Variants in PLEKHG3 observed in about 807,000 individuals in gnomAD.
The protein encoded by PLEKHG3 is pleckstrin homology and RhoGEF domain containing G3, also known as pleckstrin homology domain-containing family G member 3.
In PLEKHG3, 62 loss-of-function variants were observed where a neutral mutation model predicts 94.9. That is an observed-to-expected ratio of 0.65 (90% confidence interval 0.53 to 0.81). The LOEUF is 0.81. Ranked by LOEUF, PLEKHG3 falls within the 30% of genes least tolerant of loss-of-function variation. The pLI, the probability that PLEKHG3 is intolerant of heterozygous loss-of-function variation, is 0.00. For missense variants in PLEKHG3, 1,461 were observed against 1,619.3 expected (o/e 0.90, Z 1.68); for synonymous variants, 614 against 654.0 (o/e 0.94, Z 0.93).
Position 64,739,974 on chromosome 14 carries a change from AAAG to A in PLEKHG3, c.1519-1058_1519-1056del, listed in dbSNP as rs2081654193. ...TGAGAACCACCCATTACAAAGTTTA[AAAG>A]AAGCAGATGAAATTAATTTTAGTAG... On this transcript the variant is annotated intron_variant, in intron 15 of 16. Transcript: ENST00000247226. The surrounding 1 kb of genome is among the most constrained non-coding windows in gnomAD (Gnocchi z 4.1). Among the ~76,000 whole-genome samples, 1 of 152,242 alleles carries A rather than the reference AAAG, an allele frequency of 6.6e-6. No homozygotes were observed. Among genetic ancestry groups the A allele is most frequent in the Non-Finnish European group, 1.5e-5 (1 of 68,038 alleles).
In PLEKHG3 at chr14:64,749,916, C is replaced by G. The variant is rs2081917978; in HGVS notation, c.*6213C>G. The G allele has an allele frequency of 6.2e-7, 1 of 1,606,008 alleles. No individual in the cohort carries two copies. The highest frequency in any genetic ancestry group is 8.5e-7 in the Non-Finnish European group (1 of 1,172,992). ...GGCACTGGTCCCCTACAGAGGGCCT[C>G]TGCCCTGCCACTAATGCCAAATCAA... On this transcript the variant is annotated 3_prime_UTR_variant, in exon 17 of 17. Transcript: ENST00000247226. This position sits in a 1 kb window ranked among gnomAD's most constrained non-coding sequence, Gnocchi z 4.7.
Position 64,742,041 on chromosome 14 carries a change from C to G in PLEKHG3, c.2524C>G (p.Leu842Val), listed in dbSNP as rs146153489. 1,559 of 1,597,406 alleles carry G rather than the reference C, an allele frequency of 9.8e-4. 15 individuals carry two copies. The African/African-American group carries it at 0.019, about 19-fold the overall frequency. The change falls in exon 16 of 17, where the codon CTG (leucine) becomes GTG (valine). Residue 842 changes from leucine (L) to valine (V), a missense_variant. Transcript: ENST00000247226. ...CCAGGGCCAGGCCAATGGCTTTGAC[C>G]TGCATGAGCCACTCTTCATCCTGGA... ...PGQGQANGFD[L>V]HEPLFILEEH...
Position 64,742,023 on chromosome 14 carries a change from C to A in PLEKHG3, c.2506C>A (p.Gln836Lys). The A allele has an allele frequency of 1.9e-6, 3 of 1,587,364 alleles. No homozygotes were observed. Among genetic ancestry groups the A allele is most frequent in the Non-Finnish European group, 2.6e-6 (3 of 1,165,890 alleles). ...CCCTGGGAAGGGGCCAGGCCAGGGC[C>A]AGGCCAATGGCTTTGACCTGCATGA... ...GSPGKGPGQG[Q>K]ANGFDLHEPL... The change falls in exon 16 of 17, where the codon CAG becomes AAG. Residue 836 changes from glutamine (Q) to lysine (K), a missense_variant. By Grantham distance (53) the Gln-to-Lys change is moderately conservative. Around this residue, in one of 3 missense-constraint regions of PLEKHG3, gnomAD observed 1,201 missense variants for 1,295.5 expected, o/e 0.93. Coordinates refer to ENST00000247226, the MANE Select transcript of PLEKHG3 (RefSeq NM_001308147.2).
chr14:64,738,217 G>T lies in PLEKHG3; in HGVS notation c.1405-525G>T. On this transcript the variant is annotated intron_variant, in intron 14 of 16. Coordinates refer to ENST00000247226, the MANE Select transcript of PLEKHG3 (RefSeq NM_001308147.2). The surrounding 1 kb of genome is among the most constrained non-coding windows in gnomAD (Gnocchi z 4.8). ...GCCAACGCTTTACTTTTCTCCCGGGGCGCTATGGTGAGGTGTCTCTTCGAT... is the reference window on the plus strand; with the variant it reads ...GCCAACGCTTTACTTTTCTCCCGGGTCGCTATGGTGAGGTGTCTCTTCGAT... The T allele has an allele frequency of 7.8e-7, 1 of 1,288,278 alleles. No individual in the cohort carries two copies. The highest frequency in any genetic ancestry group is 1.0e-6 in the Non-Finnish European group (1 of 988,748). The allele number at this position is 1,288,278 out of a possible 1,614,324, so 79.8% of individuals were successfully genotyped here. A position where few individuals can be genotyped will look rare whatever the true frequency, so the allele number is the denominator to read the frequency against.
chr14:64,734,288 C>T (rs373083192), intron 12 of PLEKHG3, among the ~76,000 whole-genome samples: 2 of 152,086 alleles, frequency 1.3e-5, no homozygotes, highest in Non-Finnish European at 2.9e-5. Context: ...CTCTTCTCTT[C>T]TCTTTTCTTT....
rs73273538 is a variant in PLEKHG3 at position 64,733,645 on chromosome 14, G to A, written c.1345+744G>A. ...GAACAACCGAGCAGAAGCAGGACCCGGGGAAAACGAGTTCAGTGGCACCAA... is the reference window on the plus strand; with the variant it reads ...GAACAACCGAGCAGAAGCAGGACCCAGGGAAAACGAGTTCAGTGGCACCAA... On this transcript the variant is annotated intron_variant, in intron 12 of 16. Transcript: ENST00000247226. Among the ~76,000 whole-genome samples the A allele has an allele frequency of 3.4e-3, 518 of 152,238 alleles. 2 individuals are homozygous for A. Among genetic ancestry groups the A allele is most frequent in the Middle Eastern group, 0.01 (3 of 292 alleles).
chr14:64,730,882 C>T lies in PLEKHG3; in HGVS notation c.650C>T (p.Ser217Leu), dbSNP rs575204431. Reference sequence around the variant, plus strand: ...GACCGGCAGGAGCTGCTACAGCACTCGCTGCCCTTGGGCTCCTACCTGCTG... The same window carrying T: ...GACCGGCAGGAGCTGCTACAGCACTTGCTGCCCTTGGGCTCCTACCTGCTG... ...FRDRQELLQH[S>L]LPLGSYLLKP... The change falls in exon 6 of 17, where the codon TCG (serine) becomes TTG (leucine). Residue 217 changes from serine to leucine, a missense_variant. Physicochemically the swap from Ser to Leu is moderately radical, Grantham distance 145. Coordinates refer to ENST00000247226, the MANE Select transcript of PLEKHG3 (RefSeq NM_001308147.2). This position sits in a 1 kb window ranked among gnomAD's most constrained non-coding sequence, Gnocchi z 5.4. 7 of 1,613,126 alleles carry T rather than the reference C, an allele frequency of 4.3e-6. No individual in the cohort carries two copies. In the African/African-American group the frequency reaches 5.3e-5, roughly 12 times the overall value.
rs2081465234 is a variant in PLEKHG3, at chr14:64,731,555, C to T, written c.1032+12C>T. ...AGGGCAACATCCCGGTAACCAGGCC[C>T]TGCCCCATCTCCTCTGCCATCTTCT... On this transcript the variant is annotated intron_variant, in intron 8 of 16. Transcript: ENST00000247226. This position sits in a 1 kb window ranked among gnomAD's most constrained non-coding sequence, Gnocchi z 6.1. 6.2e-7 allele frequency: 1 copy of T among 1,612,310 alleles called. No homozygotes were observed. Among genetic ancestry groups the T allele is most frequent in the African/African-American group, 1.3e-5 (1 of 74,862 alleles).
Position 64,732,856 on chromosome 14 carries a change from C to A in PLEKHG3, c.1300C>A (p.Gln434Lys). ...GCGGCTGAAGAAGGCTTGGTCCTCCCAGGATGAGGTGTCCACCAATGTGCG... is the reference window on the plus strand; with the variant it reads ...GCGGCTGAAGAAGGCTTGGTCCTCCAAGGATGAGGTGTCCACCAATGTGCG... ...PERLKKAWSS[Q>K]DEVSTNVRQG... Residue 434 changes from glutamine to lysine, a missense_variant, in exon 12 of 17, where the codon CAG (glutamine) becomes AAG (lysine). Coordinates refer to ENST00000247226, the MANE Select transcript of PLEKHG3 (RefSeq NM_001308147.2). This position sits in a 1 kb window ranked among gnomAD's most constrained non-coding sequence, Gnocchi z 4.9. 6.2e-7 allele frequency: 1 copy of A among 1,611,190 alleles called. No homozygotes were observed.
At position 64,731,797 on chromosome 14, in the gene PLEKHG3, C is replaced by T. The variant is rs760834280; in HGVS notation, c.1116C>T (p.Tyr372=). ...ACTACAAGCACAGCAAGCAGCAGTA[C>T]AGCATCCAGGTGAGGGGAAGGTGGG... ...VTHYKHSKQQ[Y]SIQAKTVEEK... Residue 372 remains tyrosine, a synonymous_variant, in exon 9 of 17, where the codon TAC becomes TAT. Transcript: ENST00000247226. The surrounding 1 kb of genome is among the most constrained non-coding windows in gnomAD (Gnocchi z 6.1). 4 of 1,611,400 alleles carry T rather than the reference C, an allele frequency of 2.5e-6. No homozygotes were observed. The highest frequency in any genetic ancestry group is 3.4e-6 in the Non-Finnish European group (4 of 1,177,880).
At position 64,720,209 on chromosome 14, in the gene PLEKHG3, C is replaced by T. The variant is rs1300335189; in HGVS notation, c.-39-7384C>T. 2.6e-5 allele frequency among the ~76,000 whole-genome samples: 4 copies of T among 152,254 alleles called. No homozygotes were observed. Among genetic ancestry groups the T allele is most frequent in the Non-Finnish European group, 4.4e-5 (3 of 68,038 alleles). On this transcript the variant is annotated intron_variant, in intron 1 of 16. Coordinates refer to ENST00000247226, the MANE Select transcript of PLEKHG3 (RefSeq NM_001308147.2). This position sits in a 1 kb window ranked among gnomAD's most constrained non-coding sequence, Gnocchi z 4.1. The stretch of plus-strand genomic sequence containing the variant: ...TCTAAACTTGGCTACTTTCCCCTTC[C>T]TCCCAGTCTCTTGTGGCTGGTCACC...
chr14:64,716,495 CAACACA>C lies in PLEKHG3; in HGVS notation c.-39-11097_-39-11092del, dbSNP rs1566694145. Among the ~76,000 whole-genome samples the C allele has an allele frequency of 3.4e-5, 2 of 58,730 alleles. No homozygotes were observed. Among genetic ancestry groups the C allele is most frequent in the Non-Finnish European group, 3.5e-5 (1 of 28,600 alleles). The allele number at this position is 58,730 out of a possible 152,430, so 38.5% of individuals were successfully genotyped here. A position where few individuals can be genotyped will look rare whatever the true frequency, so the allele number is the denominator to read the frequency against. On this transcript the variant is annotated intron_variant, in intron 1 of 16. Transcript: ENST00000247226. This position sits in a 1 kb window ranked among gnomAD's most constrained non-coding sequence, Gnocchi z 5.0. Reference sequence around the variant, plus strand: ...CACACACACACAACACACACACACACAACACACACACACACACACACACACACACAC... The same window carrying C: ...CACACACACACAACACACACACACACCACACACACACACACACACACACAC...
At position 64,732,949 on chromosome 14, in the gene PLEKHG3, C is replaced by T; in HGVS notation, c.1345+48C>T. 1.6e-6 allele frequency: 2 copies of T among 1,212,784 alleles called. No individual in the cohort carries two copies. Among genetic ancestry groups the T allele is most frequent in the Non-Finnish European group, 2.4e-6 (2 of 834,130 alleles). 75.1% of individuals were successfully genotyped at this position (1,212,784 alleles called of 1,614,324 possible). ...AGGAGGCCTCTCCCTCACACCCTTG[C>T]CCAGACTGGGGACCGTCTGCGGCAG... On this transcript the variant is annotated intron_variant, in intron 12 of 16. Transcript: ENST00000247226. The surrounding 1 kb of genome is among the most constrained non-coding windows in gnomAD (Gnocchi z 4.9).
Position 64,748,161 on chromosome 14 carries a change from G to A in PLEKHG3, c.*4458G>A, listed in dbSNP as rs1452614973. ...GTGCAGGAGTAGCTGTCACATGGGT[G>A]GTGATACCAAGACATGGCTGCGTCT... is the stretch of plus-strand genomic sequence containing the variant. On this transcript the variant is annotated 3_prime_UTR_variant, in exon 17 of 17. Transcript: ENST00000247226. The A allele has an allele frequency of 6.6e-6, 1 of 152,058 alleles. No homozygotes were observed. The highest frequency in any genetic ancestry group is 1.5e-5 in the Non-Finnish European group (1 of 68,046). 9.4% of individuals were successfully genotyped at this position (152,058 alleles called of 1,614,324 possible).
intron 1 of PLEKHG3, among the ~76,000 whole-genome samples, chr14:64,706,842 G>A (rs1472495327): frequency 1.3e-5 from 2 of 152,250 alleles, no homozygotes; most frequent in Non-Finnish European, 1.5e-5. Flanking sequence ...TCTTCTCCCA[G>A]CTCCCAGAAC....
At position 64,738,293 on chromosome 14, in the gene PLEKHG3, C is replaced by A; in HGVS notation, c.1405-449C>A. On this transcript the variant is annotated intron_variant, in intron 14 of 16. Transcript: ENST00000247226. This position sits in a 1 kb window ranked among gnomAD's most constrained non-coding sequence, Gnocchi z 4.8. The stretch of plus-strand genomic sequence containing the variant: ...GGGATGTGCATGCCCACCCGAGGGC[C>A]CCCTCTGCTGCCCTCCTCACCCCAC... 1 of 1,014,084 alleles carries A rather than the reference C, an allele frequency of 9.9e-7. No homozygotes were observed. Among genetic ancestry groups the A allele is most frequent in the Non-Finnish European group, 1.3e-6 (1 of 747,968 alleles). 62.8% of individuals were successfully genotyped at this position (1,014,084 alleles called of 1,614,324 possible).
rs2081404157 is a variant in PLEKHG3 at position 64,728,921 on chromosome 14, A to G, written c.352-75A>G. ...TGAAGTGGTGTTACAGCAGGGCCGA[A>G]ACGAGGTGTGGCTAGGGAAGGTAGT... is the stretch of plus-strand genomic sequence containing the variant. On this transcript the variant is annotated intron_variant, in intron 2 of 16. Transcript: ENST00000247226. The surrounding 1 kb of genome is among the most constrained non-coding windows in gnomAD (Gnocchi z 5.9). The G allele has an allele frequency of 1.6e-6, 1 of 608,324 alleles. No individual in the cohort carries two copies. The highest frequency in any genetic ancestry group is 3.0e-6 in the Non-Finnish European group (1 of 336,268). The allele number at this position is 608,324 out of a possible 1,614,324, so 37.7% of individuals were successfully genotyped here.
At position 64,717,007 on chromosome 14, in the gene PLEKHG3, G is replaced by A. The variant is rs577599338; in HGVS notation, c.-39-10586G>A. 6.6e-6 allele frequency among the ~76,000 whole-genome samples: 1 copy of A among 152,334 alleles called. No individual in the cohort carries two copies. The highest frequency in any genetic ancestry group is 1.9e-4 in the East Asian group (1 of 5,188). ...AGGGGAAGCGGGGAACATGGGGGAT[G>A]GGGGAAGGAGCTATGGGTAGAGAGG... is the stretch of plus-strand genomic sequence containing the variant. On this transcript the variant is annotated intron_variant, in intron 1 of 16. Coordinates refer to ENST00000247226, the MANE Select transcript of PLEKHG3 (RefSeq NM_001308147.2). The surrounding 1 kb of genome is among the most constrained non-coding windows in gnomAD (Gnocchi z 4.7).
chr14:64,719,646 G>A lies in PLEKHG3; in HGVS notation c.-39-7947G>A, dbSNP rs2081229407. 2.6e-5 allele frequency among the ~76,000 whole-genome samples: 4 copies of A among 151,978 alleles called. No individual in the cohort carries two copies. In the South Asian group the frequency reaches 8.3e-4, roughly 32 times the overall value. On this transcript the variant is annotated intron_variant, in intron 1 of 16. Coordinates refer to ENST00000247226, the MANE Select transcript of PLEKHG3 (RefSeq NM_001308147.2). The stretch of plus-strand genomic sequence containing the variant: ...GCATATTCTCTTTTCTGCCGAGGAA[G>A]CAGAGGGACCCAGTGGGGGCCCCTC...
Sources: allele counts gnomAD v4.1 joint callset (sites outside exome capture counted in the v4.1 genomes callset), GRCh38; gene constraint gnomAD v4.1.1; regional missense constraint gnomAD v4.1.1; non-coding constraint Gnocchi (gnomAD v3.1); transcripts MANE v1.5; gene names NCBI Gene and HGNC (gene_info 2026-07-23, HGNC 2026-07-21).